The following STIM2 variants were observed in gnomAD, a reference collection of about 807,000 sequenced individuals.
The protein encoded by STIM2 is stromal interaction molecule 2.
STIM2 carries 31 observed loss-of-function variants against 85.8 expected under a neutral mutation model. The observed-to-expected ratio is 0.36, with a 90% CI of 0.27 to 0.49. The LOEUF (loss-of-function observed/expected upper bound fraction) is 0.49, where lower values mean the gene tolerates loss of function less well. Among genes scored for constraint, STIM2 ranks in the 20% least tolerant of loss-of-function variants. STIM2 has a pLI of 0.98. For missense variants in STIM2, 841 were observed against 927.6 expected, an observed-to-expected ratio of 0.91 and a Z score of 1.21; for synonymous variants, 356 against 331.1, an observed-to-expected ratio of 1.08 and a Z score of -0.82.
intron 3 of STIM2, among the ~76,000 whole-genome samples, chr4:26,974,251 T>C (rs184016289): frequency 5.3e-4 from 81 of 152,342 alleles, no homozygotes; most frequent in African/African-American, 1.9e-3. Flanking sequence ...GTTAATATTG[T>C]TATGTGTGAT....
intron 10 of STIM2, among the ~76,000 whole-genome samples, chr4:27,016,936 A>C (rs1728750760): frequency 6.6e-6 from 1 of 152,362 alleles, no homozygotes; most frequent in Non-Finnish European, 1.5e-5. Context: ...GTGTGCAGAC[A>C]GTACTGGGGA....
Position 27,008,756 on chromosome 4 carries a change from T to C in STIM2, c.1251-8T>C. 1.2e-6 allele frequency: 2 copies of C among 1,613,754 alleles called. No individual in the cohort carries two copies. Among genetic ancestry groups the C allele is most frequent in the Non-Finnish European group, 1.7e-6 (2 of 1,179,728 alleles). On this transcript the variant is annotated splice_polypyrimidine_tract_variant and splice_region_variant and intron_variant, in intron 9 of 11. Transcript: ENST00000467087. ...TGCAGTAAGTAATTTCTTTATTGGC[T>C]TTTCCAGGAAAGCTCTCTCTGAGTT...
intron 3 of STIM2, among the ~76,000 whole-genome samples, chr4:26,959,655 C>G (rs1726376867): frequency 6.6e-6 from 1 of 151,384 alleles, no homozygotes; most frequent in Non-Finnish European, 1.5e-5. Context: ...TTTTGTTTTC[C>G]CACCCTAGTG....
intron 1 of STIM2, chr4:26,881,514 A>T (rs986883309): frequency 3.3e-5 from 5 of 151,950 alleles, no homozygotes; most frequent in African/African-American, 4.8e-5. Context: ...TCATGTAAGG[A>T]TATAGCAACA....
chr4:26,992,697 A>G (rs537062268), intron 3 of STIM2, among the ~76,000 whole-genome samples: 1 of 152,252 alleles, frequency 6.6e-6, no homozygotes, highest in East Asian at 1.9e-4. Flanking sequence ...AGAAGGACAT[A>G]GTATGATCTG....
intron 3 of STIM2, among the ~76,000 whole-genome samples, chr4:26,989,124 AG>A (rs1727679225): frequency 6.6e-6 from 1 of 152,120 alleles, no homozygotes; most frequent in South Asian, 2.1e-4. Flanking sequence ...TAGTAGAGAC[AG>A]GGTTTTGCCA....
At chr4:26,895,147 G>A (rs762626557) in intron 1 of STIM2, among the ~76,000 whole-genome samples, 1 of 152,254 alleles carries the variant, frequency 6.6e-6, no homozygotes, top group East Asian at 1.9e-4. Flanking sequence ...GGGAGGCAGA[G>A]GTTGCAGTGA....
At chr4:26,893,771 A>AT (rs59956383) in intron 1 of STIM2, among the ~76,000 whole-genome samples, 1 of 151,196 alleles carries the variant, frequency 6.6e-6, no homozygotes, top group Non-Finnish European at 1.5e-5. Context: ...TTAAACATTC[A>AT]TTTTTTTTTT....
intron 1 of STIM2, among the ~76,000 whole-genome samples, chr4:26,891,940 T>C (rs1171387421): frequency 6.6e-6 from 1 of 152,158 alleles, no homozygotes; most frequent in Admixed American, 6.5e-5. Context: ...AGGGACCCAG[T>C]GGGAGATGAT....
intron 2 of STIM2, among the ~76,000 whole-genome samples, chr4:26,940,908 G>T (rs974790804): frequency 1.3e-5 from 2 of 152,160 alleles, no homozygotes; most frequent in African/African-American, 4.8e-5. Flanking sequence ...TCTGGGATGA[G>T]ACCCAAGAAT....
intron 3 of STIM2, among the ~76,000 whole-genome samples, chr4:26,993,477 A>T (rs1727838781): frequency 6.6e-6 from 1 of 152,188 alleles, no homozygotes; most frequent in Admixed American, 6.5e-5. Context: ...AAAAAGGCAG[A>T]TTGATGGAAA....
intron 7 of STIM2, among the ~76,000 whole-genome samples, chr4:27,005,883 T>C (rs193082408): frequency 6.6e-6 from 1 of 152,372 alleles, no homozygotes; most frequent in East Asian, 1.9e-4. Context: ...AGAGAGTAAC[T>C]TGAATGAATT....
intron 3 of STIM2, among the ~76,000 whole-genome samples, chr4:26,985,022 A>G (rs1373288915): frequency 1.3e-5 from 2 of 152,188 alleles, no homozygotes; most frequent in Non-Finnish European, 2.9e-5. Context: ...CAAATATAGC[A>G]TGTTGCAGGA....
intron 2 of STIM2, among the ~76,000 whole-genome samples, chr4:26,945,594 A>G (rs1265652825): frequency 1.3e-5 from 2 of 152,144 alleles, no homozygotes; most frequent in African/African-American, 2.4e-5. Flanking sequence ...CTTTTTCTCT[A>G]CAACCTCTCC....
chr4:26,949,774 C>T (rs1356739915), intron 2 of STIM2, among the ~76,000 whole-genome samples: 1 of 152,110 alleles, frequency 6.6e-6, no homozygotes, highest in South Asian at 2.1e-4. Flanking sequence ...TTGGCTCCTC[C>T]TCTTATCTTC....
chr4:26,869,248 C>T (rs1379296405), intron 1 of STIM2, among the ~76,000 whole-genome samples: 1 of 149,610 alleles, frequency 6.7e-6, no homozygotes, highest in African/African-American at 2.5e-5. Flanking sequence ...GCAGCAAGCC[C>T]TGATCAGGCC....
At chr4:26,883,657 G>A (rs1560193687) in intron 1 of STIM2, among the ~76,000 whole-genome samples, 4 of 152,218 alleles carry the variant, frequency 2.6e-5, no homozygotes, top group South Asian at 4.1e-4. Context: ...AAATAGAATT[G>A]TATAATTAAA....
intron 1 of STIM2, among the ~76,000 whole-genome samples, chr4:26,869,001 GTGTT>G (rs1261294189): frequency 1.3e-5 from 2 of 152,038 alleles, no homozygotes; most frequent in South Asian, 2.1e-4. Flanking sequence ...TGTTTATTCC[GTGTT>G]TGTTTGGGGT....
At chr4:26,874,586 G>T (rs1394043046) in intron 1 of STIM2, among the ~76,000 whole-genome samples, 1 of 152,076 alleles carries the variant, frequency 6.6e-6, no homozygotes, top group African/African-American at 2.4e-5. Context: ...TCTTTTAATG[G>T]ATAATTTCAT....
Sources: gnomAD v4.1 joint callset for allele counts (sites outside exome capture counted in the v4.1 genomes callset) on GRCh38, gnomAD v4.1.1 for gene constraint, MANE v1.5 for transcripts, NCBI Gene and HGNC (gene_info 2026-07-23, HGNC 2026-07-21) for gene names.